RTL4: variants seen among roughly 807,000 people sequenced by gnomAD.
RTL4 encodes the protein retrotransposon Gag like 4, also known as retrotransposon Gag-like protein 4.
In RTL4, 4 loss-of-function variants were observed where a neutral mutation model predicts 5.3. The observed-to-expected ratio is 0.75, with a 90% CI of 0.37 to 1.72. The LOEUF (loss-of-function observed/expected upper bound fraction) is 1.72, where lower values mean the gene tolerates loss of function less well. Ranked by LOEUF, RTL4 falls within the 40% of genes most tolerant of loss-of-function variation. RTL4 has a pLI of 0.04. For missense variants in RTL4, 260 were observed against 227.1 expected (o/e 1.14, Z -0.93); for synonymous variants, 98 against 87.3 (o/e 1.12, Z -0.68).
chrX:112,213,453 A>G, the RTL4 span, among the ~76,000 whole-genome samples: 1 of 112,585 alleles, frequency 8.9e-6, no homozygotes, highest in African/African-American at 3.2e-5. Context: ...ATCAAGAAAT[A>G]TGACAAGGTC....
chrX:112,212,625 C>T, the RTL4 span, among the ~76,000 whole-genome samples: 3 of 112,018 alleles, frequency 2.7e-5, no homozygotes, highest in African/African-American at 9.7e-5. Flanking sequence ...TGTTTACAAT[C>T]TTATAAACTA....
the RTL4 span, among the ~76,000 whole-genome samples, chrX:112,182,909 CAG>C: frequency 9.0e-6 from 1 of 111,688 alleles, no homozygotes; most frequent in African/African-American, 3.3e-5. Flanking sequence ...TAAGGGCAGC[CAG>C]AGAGAAAGGT....
chrX:112,228,458 T>A, the RTL4 span, among the ~76,000 whole-genome samples: 1 of 112,717 alleles, frequency 8.9e-6, no homozygotes, highest in Non-Finnish European at 1.9e-5. Context: ...AGGTATACAG[T>A]GTGATTATGT....
At chrX:112,329,072 G>A in the RTL4 span, among the ~76,000 whole-genome samples, 5 of 110,594 alleles carry the variant, frequency 4.5e-5, no homozygotes, top group African/African-American at 1.6e-4. Context: ...ATCCAAAATT[G>A]ACACCCTAAC....
At chrX:112,360,896 C>T in the RTL4 span, among the ~76,000 whole-genome samples, 1 of 110,506 alleles carries the variant, frequency 9.0e-6, no homozygotes, top group African/African-American at 3.3e-5. Flanking sequence ...TTCCAAGGTC[C>T]CTGGAGTTAT....
the RTL4 span, among the ~76,000 whole-genome samples, chrX:112,167,674 GT>G: frequency 7.4e-4 from 74 of 99,845 alleles, no homozygotes; most frequent in South Asian, 4.0e-3. Flanking sequence ...TAAGTGAGGT[GT>G]TTTTTTTTTT....
At chrX:112,379,973 C>T in the RTL4 span, among the ~76,000 whole-genome samples, 2 of 111,020 alleles carry the variant, frequency 1.8e-5, no homozygotes, top group African/African-American at 6.6e-5. Flanking sequence ...CCTCATACTC[C>T]TTATTGTACT....
chrX:112,133,868 G>T, the RTL4 span, among the ~76,000 whole-genome samples: 1 of 111,556 alleles, frequency 9.0e-6, no homozygotes, highest in Non-Finnish European at 1.9e-5. Flanking sequence ...TTAAACAAAG[G>T]CTTTGCTCAT....
At chrX:112,359,207 A>G in the RTL4 span, among the ~76,000 whole-genome samples, 2 of 111,928 alleles carry the variant, frequency 1.8e-5, no homozygotes, top group Non-Finnish European at 3.8e-5. Flanking sequence ...AGATATTTTG[A>G]TAAAGGCACA....
At chrX:112,311,620 A>T in the RTL4 span, among the ~76,000 whole-genome samples, 11 of 110,911 alleles carry the variant, frequency 9.9e-5, no homozygotes, top group Non-Finnish European at 1.9e-4. Context: ...ATGAGAGCAC[A>T]TTTCTTCCTT....
chrX:112,153,535 G>A, the RTL4 span, among the ~76,000 whole-genome samples: 1 of 111,723 alleles, frequency 9.0e-6, no homozygotes, highest in African/African-American at 3.2e-5. Context: ...ATAATTTGCT[G>A]TCTGCAAGAA....
At chrX:112,164,958 T>G in the RTL4 span, among the ~76,000 whole-genome samples, 2 of 111,953 alleles carry the variant, frequency 1.8e-5, no homozygotes, top group Non-Finnish European at 3.8e-5. Flanking sequence ...CAACTTCATC[T>G]CCAGCCAGGT....
At chrX:112,411,255 C>T in the RTL4 span, among the ~76,000 whole-genome samples, 4 of 111,008 alleles carry the variant, frequency 3.6e-5, no homozygotes, top group Non-Finnish European at 5.7e-5. Context: ...TGATGGATTC[C>T]CTGCTGAATT....
chrX:112,205,069 T>C, the RTL4 span, among the ~76,000 whole-genome samples: 3 of 112,377 alleles, frequency 2.7e-5, no homozygotes, highest in African/African-American at 9.7e-5. Context: ...ATTCCACTTA[T>C]AGTTTCAACA....
the RTL4 span, among the ~76,000 whole-genome samples, chrX:112,326,277 C>T: frequency 8.4e-4 from 94 of 111,382 alleles, no homozygotes; most frequent in East Asian, 0.018. Context: ...AGACAGTGGG[C>T]GCAGGTCAGT....
At chrX:112,255,680 G>A in the RTL4 span, among the ~76,000 whole-genome samples, 32 of 111,592 alleles carry the variant, frequency 2.9e-4, no homozygotes, top group African/African-American at 7.8e-4. Flanking sequence ...GATTATGGAG[G>A]TCCTAGTGGT....
chrX:112,131,805 A>G, the RTL4 span, among the ~76,000 whole-genome samples: 1 of 111,123 alleles, frequency 9.0e-6, no homozygotes, highest in Non-Finnish European at 1.9e-5. Flanking sequence ...AGATAGTGAG[A>G]TGGAGAGAAA....
At chrX:112,344,984 C>T in the RTL4 span, among the ~76,000 whole-genome samples, 1 of 111,486 alleles carries the variant, frequency 9.0e-6, no homozygotes, top group South Asian at 3.8e-4. Flanking sequence ...GACTTACTCA[C>T]TACTGCAAGA....
chrX:112,165,734 C>T, the RTL4 span, among the ~76,000 whole-genome samples: 1 of 111,737 alleles, frequency 8.9e-6, no homozygotes, highest in African/African-American at 3.3e-5. Flanking sequence ...CTTTTAGGAA[C>T]ACTGTGAATG....
Sources: allele counts gnomAD v4.1 joint callset (sites outside exome capture counted in the v4.1 genomes callset), GRCh38; gene constraint gnomAD v4.1.1; transcripts MANE v1.5; gene names NCBI Gene and HGNC (gene_info 2026-07-23, HGNC 2026-07-21).